Variants in EML2 observed in about 807,000 individuals in gnomAD.
EML2 encodes the protein EMAP like 2.
In EML2, 59 loss-of-function variants were observed where a neutral mutation model predicts 84.7. The observed-to-expected ratio is 0.70, with a 90% CI of 0.56 to 0.86. The LOEUF is 0.86. EML2 is among the 40% of genes least tolerant of loss of function. EML2 has a pLI of 0.00. For synonymous variants in EML2, 352 were observed against 348.9 expected, an observed-to-expected ratio of 1.01 and a Z score of -0.10; for missense variants, 818 against 855.6, an observed-to-expected ratio of 0.96 and a Z score of 0.55.
upstream of EML2, chr19:45,645,581 C>A (rs567303107): frequency 6.4e-4 from 516 of 804,278 alleles, 4 homozygotes; most frequent in Non-Finnish European, 2.0e-4. Flanking sequence ...GGATTGGCTG[C>A]GCCCGGATCC....
chr19:45,634,370 T>A lies in EML2; in HGVS notation c.281A>T (p.Glu94Val). The change falls in exon 4 of 19, where the codon GAG becomes GTG. Residue 94 changes from glutamate to valine, a missense_variant. Physicochemically the swap from Glu to Val is moderately radical, Grantham distance 121. Transcript: ENST00000245925. ...VASVAVLYSV[E>V]EQRQRHYLGH... The stretch of plus-strand genomic sequence containing the variant: ...CAGGTAGTGTCGCTGCCTCTGCTCC[T>A]CCACGCTGTATAGCACGGCTACGGA... 2 of 1,614,020 alleles carry A rather than the reference T, an allele frequency of 1.2e-6. No individual in the cohort carries two copies. Among genetic ancestry groups the A allele is most frequent in the Non-Finnish European group, 1.7e-6 (2 of 1,179,956 alleles).
chr19:45,615,794 G>C lies in EML2; in HGVS notation c.1597+8C>G, dbSNP rs747227225. The C allele has an allele frequency of 6.2e-7, 1 of 1,611,786 alleles. No individual in the cohort carries two copies. Among genetic ancestry groups the C allele is most frequent in the Admixed American group, 1.7e-5 (1 of 59,962 alleles). ...GGAAGTAATGTCTCTGGGTCCCGGA[G>C]AACTCACAGTACAGAATCTCATAGT... On this transcript the variant is annotated splice_region_variant and intron_variant, in intron 16 of 18. Transcript: ENST00000245925.
At chr19:45,637,915 G>A (rs1478556286) in intron 3 of EML2, among the ~76,000 whole-genome samples, 1 of 152,018 alleles carries the variant, frequency 6.6e-6, no homozygotes, top group Non-Finnish European at 1.5e-5. Context: ...GACCTCAGGT[G>A]ATCTGCCCAC....
At chr19:45,641,912 C>A, upstream of EML2, 1 of 1,443,726 alleles carries the variant, frequency 6.9e-7, no homozygotes, top group Admixed American at 2.8e-5. Flanking sequence ...CGGCCTTGTG[C>A]CTTACCTGCG....
intron 13 of EML2, among the ~76,000 whole-genome samples, chr19:45,617,204 C>T (rs1277714695): frequency 6.7e-6 from 1 of 149,602 alleles, no homozygotes; most frequent in Non-Finnish European, 1.5e-5. Context: ...TGAGATCGCG[C>T]CACCGGACTC....
At chr19:45,631,033 G>A (rs1972967308) in intron 6 of EML2, among the ~76,000 whole-genome samples, 1 of 152,088 alleles carries the variant, frequency 6.6e-6, no homozygotes, top group Admixed American at 6.6e-5. Context: ...TTTTAGTAGA[G>A]ACAGGGTTTC....
intron 3 of EML2, among the ~76,000 whole-genome samples, chr19:45,635,836 C>T (rs1056728462): frequency 1.3e-5 from 2 of 151,966 alleles, no homozygotes; most frequent in Admixed American, 1.3e-4. Flanking sequence ...AGGTGATCTG[C>T]CCACCTCGGC....
chr19:45,626,571 G>T, intron 8 of EML2, 134 bp downstream of exon 8: 1 of 997,782 alleles, frequency 1.0e-6, no homozygotes, highest in Non-Finnish European at 1.5e-6. Flanking sequence ...AGAAACTGAG[G>T]CCCCAGCAGG....
intron 1 of EML2, chr19:45,639,139 A>C: frequency 1.5e-6 from 1 of 666,644 alleles, no homozygotes; most frequent in Non-Finnish European, 2.6e-6. Context: ...GGGAGTCACC[A>C]AGGACCCTTC....
intron 11 of EML2, chr19:45,621,000 G>T: frequency 1.4e-6 from 1 of 719,474 alleles, no homozygotes; most frequent in Non-Finnish European, 2.4e-6. Flanking sequence ...CACAGTTGGA[G>T]CAGGGGCCTG....
Position 45,616,539 on chromosome 19 carries a change from C to T in EML2, c.1431G>A (p.Val477=), listed in dbSNP as rs1252983792. The T allele has an allele frequency of 6.2e-7, 1 of 1,611,016 alleles. No homozygotes were observed. ...SFSPDGAYLA[V]GSHDNLVYVY... is the part of the protein sequence containing the mutation. Reference sequence around the variant, plus strand: ...CGTACACCAAGTTGTCGTGGGAGCCCACGGCCAGGTACGCCCCGTCTGGGG... The same window carrying T: ...CGTACACCAAGTTGTCGTGGGAGCCTACGGCCAGGTACGCCCCGTCTGGGG... The change falls in exon 15 of 19, where the codon GTG becomes GTA. Residue 477 remains valine (V), a synonymous_variant. Coordinates refer to ENST00000245925, the MANE Select transcript of EML2 (RefSeq NM_012155.4).
At chr19:45,634,528 TTTG>T (rs1973483619) in intron 3 of EML2, 57 bp from the exon 4 acceptor site, 2 of 1,247,596 alleles carry the variant, frequency 1.6e-6, no homozygotes, top group Non-Finnish European at 2.1e-6. Context: ...GTTTGTTTGT[TTTG>T]TTTTTATTTA....
chr19:45,610,328 C>T (rs1490272030), intron 18 of EML2, among the ~76,000 whole-genome samples: 1 of 152,032 alleles, frequency 6.6e-6, no homozygotes, highest in Non-Finnish European at 1.5e-5. Context: ...ACCAGGGAGT[C>T]GGAGGTTGCA....
At chr19:45,634,231 G>A in intron 4 of EML2, 91 bp downstream of exon 4, 1 of 1,560,548 alleles carries the variant, frequency 6.4e-7, no homozygotes, top group Non-Finnish European at 8.8e-7. Flanking sequence ...ACCCCACAGG[G>A]TAGCAATGTG....
intron 8 of EML2, among the ~76,000 whole-genome samples, chr19:45,626,380 C>CTTTTTTTTTTT (rs35850853): frequency 1.3e-5 from 1 of 79,434 alleles, no homozygotes; most frequent in African/African-American, 5.5e-5. Flanking sequence ...ATCCTCACAA[C>CTTTTTTTTTTT]TTTTTTTTTT....
upstream of EML2, chr19:45,645,442 C>T: frequency 6.9e-7 from 1 of 1,443,284 alleles, no homozygotes; most frequent in East Asian, 2.8e-5. Context: ...TTCGTTCCAG[C>T]ATCCCCAGCT....
At chr19:45,611,284 G>A in intron 18 of EML2, among the ~76,000 whole-genome samples, 1 of 151,788 alleles carries the variant, frequency 6.6e-6, no homozygotes, top group East Asian at 2.0e-4. Flanking sequence ...GGTGGTGCAT[G>A]CCTGTAATCC....
chr19:45,621,415 C>T (rs995742431), intron 10 of EML2, 68 bp downstream of exon 10: 6 of 1,573,188 alleles, frequency 3.8e-6, no homozygotes, highest in East Asian at 4.5e-5. Flanking sequence ...GAGGGTCTGG[C>T]GTTGGGAGCC....
upstream of EML2, chr19:45,642,600 A>C (rs1443802183): frequency 6.7e-6 from 8 of 1,196,756 alleles, no homozygotes; most frequent in Non-Finnish European, 6.5e-6. Context: ...ACCTTGGGGA[A>C]GTCCCTTCCC....
Sources: gnomAD v4.1 joint callset for allele counts (sites outside exome capture counted in the v4.1 genomes callset) on GRCh38, gnomAD v4.1.1 for gene constraint, MANE v1.5 for transcripts, NCBI Gene and HGNC (gene_info 2026-07-23, HGNC 2026-07-21) for gene names.